GALNTL6: variants seen among roughly 807,000 people sequenced by gnomAD.
GALNTL6 encodes polypeptide N-acetylgalactosaminyltransferase-like 6.
In GALNTL6, 46 loss-of-function variants were observed where a neutral mutation model predicts 73.7. The observed-to-expected ratio is 0.62, with a 90% CI of 0.49 to 0.80. The LOEUF is 0.80. Ranked by LOEUF, GALNTL6 falls within the 30% of genes least tolerant of loss-of-function variation. The pLI is 0.00. For synonymous variants in GALNTL6, 259 were observed against 263.7 expected (o/e 0.98, Z 0.17); for missense variants, 604 against 755.0 (o/e 0.80, Z 2.34).
chr4:172,902,329 T>G (rs1746670547), intron 8 of GALNTL6, among the ~76,000 whole-genome samples: 1 of 152,208 alleles, frequency 6.6e-6, no homozygotes, highest in South Asian at 2.1e-4. Context: ...AAAATTTTTA[T>G]CAAACTAAAA....
intron 5 of GALNTL6, among the ~76,000 whole-genome samples, chr4:172,720,068 G>A (rs926121465): frequency 2.0e-5 from 3 of 151,940 alleles, no homozygotes; most frequent in African/African-American, 7.3e-5. Context: ...CCTAAATATA[G>A]GTCTTTATGA....
intron 7 of GALNTL6, among the ~76,000 whole-genome samples, chr4:172,829,065 G>T (rs1008198557): frequency 6.6e-6 from 1 of 152,182 alleles, no homozygotes; most frequent in African/African-American, 2.4e-5. Context: ...GCATCGCTCT[G>T]GTGTACTCCC....
At chr4:172,535,010 TG>T (rs1449290192) in intron 5 of GALNTL6, among the ~76,000 whole-genome samples, 1 of 152,208 alleles carries the variant, frequency 6.6e-6, no homozygotes, top group African/African-American at 2.4e-5. Context: ...GTGGAGTTCA[TG>T]GGTTTAAAGT....
chr4:172,028,673 CT>C (rs1741671788), intron 2 of GALNTL6, among the ~76,000 whole-genome samples: 1 of 151,954 alleles, frequency 6.6e-6, no homozygotes, highest in Non-Finnish European at 1.5e-5. Flanking sequence ...CTGTACTCAA[CT>C]TCAATTCATG....
intron 2 of GALNTL6, among the ~76,000 whole-genome samples, chr4:171,956,764 CT>C (rs1217507037): frequency 1.3e-5 from 2 of 152,124 alleles, no homozygotes; most frequent in African/African-American, 2.4e-5. Context: ...AGACCCTTTG[CT>C]TTTTTCATTC....
chr4:172,375,465 C>G (rs1742992341), intron 5 of GALNTL6, among the ~76,000 whole-genome samples: 2 of 152,120 alleles, frequency 1.3e-5, no homozygotes, highest in African/African-American at 4.8e-5. Context: ...TGTTTCCCAT[C>G]TGAAAGACAA....
intron 9 of GALNTL6, among the ~76,000 whole-genome samples, chr4:172,936,941 C>T (rs1190229469): frequency 2.0e-5 from 3 of 152,004 alleles, no homozygotes; most frequent in Non-Finnish European, 2.9e-5. Flanking sequence ...TCTGTCTGGT[C>T]GAGGTTCATG....
intron 4 of GALNTL6, among the ~76,000 whole-genome samples, chr4:172,319,486 A>T (rs1223872976): frequency 6.6e-6 from 1 of 152,188 alleles, no homozygotes; most frequent in African/African-American, 2.4e-5. Flanking sequence ...TTAAATGTGC[A>T]CCTAAAAACT....
chr4:172,598,026 T>A (rs924480388), intron 5 of GALNTL6, among the ~76,000 whole-genome samples: 1 of 152,120 alleles, frequency 6.6e-6, no homozygotes, highest in Non-Finnish European at 1.5e-5. Flanking sequence ...TTTCTTCCAC[T>A]GTCAAATAAC....
At chr4:172,285,017 T>G (rs1305278552) in intron 3 of GALNTL6, among the ~76,000 whole-genome samples, 2 of 152,214 alleles carry the variant, frequency 1.3e-5, no homozygotes, top group African/African-American at 4.8e-5. Flanking sequence ...GCAGTAGATC[T>G]GAAATTGCTT....
chr4:172,028,308 C>G (rs577024520), intron 2 of GALNTL6, among the ~76,000 whole-genome samples: 1 of 131,264 alleles, frequency 7.6e-6, no homozygotes, highest in African/African-American at 2.6e-5. Context: ...ATAAAAACTT[C>G]AAAAAAATAT....
At chr4:172,361,672 TAGTG>T (rs1742375918) in intron 5 of GALNTL6, among the ~76,000 whole-genome samples, 1 of 152,110 alleles carries the variant, frequency 6.6e-6, no homozygotes, top group Non-Finnish European at 1.5e-5. Flanking sequence ...TTTTTTTCAT[TAGTG>T]AGTCAAAAGG....
In GALNTL6 at chr4:172,166,093, T is replaced by C. The variant is rs548196188; in HGVS notation, c.139-63563T>C. 3.3e-5 allele frequency among the ~76,000 whole-genome samples: 5 copies of C among 152,334 alleles called. No individual in the cohort carries two copies. In the South Asian group the frequency reaches 8.3e-4, roughly 25 times the overall value. On this transcript the variant is annotated intron_variant, in intron 2 of 12. Coordinates refer to ENST00000506823, the MANE Select transcript of GALNTL6 (RefSeq NM_001034845.3). ...TTTCCTTATAAATGCAAATATTATGTGTTCGTAATATGGCTTGAGCATGAA... is the reference window on the plus strand; with the variant it reads ...TTTCCTTATAAATGCAAATATTATGCGTTCGTAATATGGCTTGAGCATGAA...
intron 2 of GALNTL6, among the ~76,000 whole-genome samples, chr4:172,073,256 G>A (rs1482835373): frequency 3.9e-5 from 6 of 152,172 alleles, no homozygotes; most frequent in South Asian, 2.1e-4. Context: ...ATAAAAGCTC[G>A]TGCAAGCCCT....
At chr4:173,006,955 G>A (rs1266384180) in intron 10 of GALNTL6, among the ~76,000 whole-genome samples, 1 of 152,106 alleles carries the variant, frequency 6.6e-6, no homozygotes, top group African/African-American at 2.4e-5. Context: ...TTGTCATCAG[G>A]GACAGAGATC....
chr4:172,406,325 A>G (rs890981815), intron 5 of GALNTL6, among the ~76,000 whole-genome samples: 8 of 152,018 alleles, frequency 5.3e-5, no homozygotes, highest in African/African-American at 4.8e-5. Context: ...CTGCACAGAA[A>G]TACATATATT....
chr4:172,922,935 G>A (rs1187401106), intron 8 of GALNTL6, among the ~76,000 whole-genome samples: 4 of 152,146 alleles, frequency 2.6e-5, no homozygotes, highest in Non-Finnish European at 2.9e-5. Flanking sequence ...TGAGCAGGAT[G>A]GGGAGACCCT....
At chr4:172,548,167 G>A (rs968914635) in intron 5 of GALNTL6, among the ~76,000 whole-genome samples, 4 of 46,192 alleles carry the variant, frequency 8.7e-5, no homozygotes, top group African/African-American at 2.4e-4. Flanking sequence ...ATATGTCGAT[G>A]TCAATGAAGG....
At chr4:172,021,627 T>G (rs943520658) in intron 2 of GALNTL6, among the ~76,000 whole-genome samples, 3 of 152,016 alleles carry the variant, frequency 2.0e-5, no homozygotes. Flanking sequence ...AGACTCAGAA[T>G]AGCCAAAGCT....
Sources: allele counts gnomAD v4.1 joint callset (sites outside exome capture counted in the v4.1 genomes callset), GRCh38; gene constraint gnomAD v4.1.1; transcripts MANE v1.5; gene names NCBI Gene and HGNC (gene_info 2026-07-23, HGNC 2026-07-21).